EXD1: variants seen among roughly 807,000 people sequenced by gnomAD.
The protein encoded by EXD1 is piRNA biogenesis protein EXD1.
A neutral mutation model predicts 49.1 loss-of-function variants in EXD1; 63 were observed. That is an observed-to-expected ratio of 1.28 (90% CI 1.05 to 1.58). The LOEUF (loss-of-function observed/expected upper bound fraction) is 1.58, where lower values mean the gene tolerates loss of function less well. EXD1 is among the 40% of genes most tolerant of loss of function. EXD1 has a pLI of 0.00. For synonymous variants in EXD1, 234 were observed against 239.2 expected (o/e 0.98, Z 0.20); for missense variants, 748 against 666.0 (o/e 1.12, Z -1.36).
chr15:41,207,453 T>C (rs1489962531), intron 7 of EXD1, among the ~76,000 whole-genome samples: 1 of 151,890 alleles, frequency 6.6e-6, no homozygotes, highest in Non-Finnish European at 1.5e-5. Flanking sequence ...GGCAGGAGAA[T>C]TTCTTGAACC....
intron 7 of EXD1, among the ~76,000 whole-genome samples, chr15:41,202,086 A>C (rs1220020751): frequency 1.3e-5 from 2 of 151,932 alleles, no homozygotes; most frequent in Admixed American, 1.3e-4. Flanking sequence ...TCATTTCAGG[A>C]GCTGAACTAT....
Position 41,230,606 on chromosome 15 carries a change from G to C in EXD1, c.-181C>G. ...ACTTCAGTCTAGAACTAAAAGAAGA[G>C]GGGCTGCAATGAAGGAAGAAGTCTC... On this transcript the variant is annotated 5_prime_UTR_variant, in exon 1 of 12. Transcript: ENST00000458580. The C allele has an allele frequency of 6.4e-7, 1 of 1,563,558 alleles. No homozygotes were observed. Among genetic ancestry groups the C allele is most frequent in the Non-Finnish European group, 8.8e-7 (1 of 1,139,750 alleles).
At position 41,190,058 on chromosome 15, in the gene EXD1, G is replaced by A. The variant is rs1437468524; in HGVS notation, c.935C>T (p.Thr312Ile). 3 of 1,614,190 alleles carry A rather than the reference G, an allele frequency of 1.9e-6. No individual in the cohort carries two copies. The highest frequency in any genetic ancestry group is 4.5e-5 in the East Asian group (2 of 44,880). ...SLLKILALEA[T>I]YLLPLRLALL... The stretch of plus-strand genomic sequence containing the variant: ...TGCCAAGCGAAGGGGTAACAGGTAG[G>A]TAGCTTCCAGGGCCAAAATTTTCAG... Residue 312 changes from threonine (T) to isoleucine (I), a missense_variant, in exon 11 of 12, where the codon ACC (threonine) becomes ATC (isoleucine). By Grantham distance (89) the Thr-to-Ile change is moderately conservative (BLOSUM62 -1). Transcript: ENST00000458580.
rs568734167 is a variant in EXD1 at position 41,230,744 on chromosome 15, G to A, written c.-319C>T. The A allele has an allele frequency of 1.6e-4, 94 of 583,290 alleles. No homozygotes were observed. The South Asian group carries it at 1.7e-3, about 10-fold the overall frequency. 36.1% of individuals were successfully genotyped at this position (583,290 alleles called of 1,614,324 possible). A position where few individuals can be genotyped will look rare whatever the true frequency, so the allele number is the denominator to read the frequency against. ...AGAGGCGACGCCCGCCCGGCCCAACGTCCAGTCTCGTCTGTTTCCCGAGGA... is the reference window on the plus strand; with the variant it reads ...AGAGGCGACGCCCGCCCGGCCCAACATCCAGTCTCGTCTGTTTCCCGAGGA... On this transcript the variant is annotated 5_prime_UTR_variant, in exon 1 of 12. The change creates a new upstream start codon in the 5' untranslated region. Coordinates refer to ENST00000458580, the MANE Select transcript of EXD1 (RefSeq NM_001286441.2).
intron 9 of EXD1, 62 bp from the exon 10 acceptor site, chr15:41,191,647 A>G (rs1276093939): frequency 9.6e-6 from 14 of 1,458,968 alleles, no homozygotes; most frequent in Non-Finnish European, 1.3e-5. Context: ...ATCTCATGCC[A>G]GAAATATATT....
At chr15:41,212,817 T>C (rs1194948176) in intron 6 of EXD1, among the ~76,000 whole-genome samples, 1 of 152,202 alleles carries the variant, frequency 6.6e-6, no homozygotes, top group Non-Finnish European at 1.5e-5. Flanking sequence ...GGCAGGTGGA[T>C]TGCTTGAGCC....
intron 5 of EXD1, among the ~76,000 whole-genome samples, chr15:41,216,147 T>C (rs1382471264): frequency 1.3e-5 from 2 of 152,126 alleles, no homozygotes; most frequent in African/African-American, 4.8e-5. Context: ...ACACAGTATG[T>C]ACTCAGTTAT....
In EXD1 at chr15:41,183,307, A is replaced by C. The variant is rs2046350765; in HGVS notation, c.*624T>G. ...TCCATCAAAAAACAAATAAAACAAAAATTAAATTATTGATTCCTATAACAT... is the reference window on the plus strand; with the variant it reads ...TCCATCAAAAAACAAATAAAACAAACATTAAATTATTGATTCCTATAACAT... On this transcript the variant is annotated 3_prime_UTR_variant, in exon 12 of 12. Coordinates refer to ENST00000458580, the MANE Select transcript of EXD1 (RefSeq NM_001286441.2). The C allele has an allele frequency of 6.6e-6, 1 of 152,026 alleles. No homozygotes were observed. Among genetic ancestry groups the C allele is most frequent in the Non-Finnish European group, 1.5e-5 (1 of 67,984 alleles). The allele number at this position is 152,026 out of a possible 1,614,324, so 9.4% of individuals were successfully genotyped here.
intron 9 of EXD1, among the ~76,000 whole-genome samples, chr15:41,193,165 G>A (rs1163337732): frequency 6.6e-6 from 1 of 152,004 alleles, no homozygotes; most frequent in East Asian, 1.9e-4. Flanking sequence ...CAATCCTCCT[G>A]TCTCGGCCTC....
chr15:41,230,458 A>C, intron 1 of EXD1, 21 bp downstream of exon 1: 2 of 1,606,450 alleles, frequency 1.2e-6, no homozygotes, highest in Non-Finnish European at 1.7e-6. Flanking sequence ...CAAAATAAGG[A>C]ACTTCAAATA....
chr15:41,203,916 C>CAAAAAAA (rs1187093511), intron 7 of EXD1, among the ~76,000 whole-genome samples: 687 of 23,202 alleles, frequency 0.03, 78 homozygotes, highest in African/African-American at 0.053. Context: ...GACTTCTCCT[C>CAAAAAAA]AAAAAAAAAA....
chr15:41,216,674 G>A lies in EXD1; in HGVS notation c.382C>T (p.Pro128Ser). 1 of 1,611,408 alleles carries A rather than the reference G, an allele frequency of 6.2e-7. No individual in the cohort carries two copies. The highest frequency in any genetic ancestry group is 1.7e-5 in the Admixed American group (1 of 59,400). Residue 128 changes from proline (P) to serine (S), a missense_variant, in exon 5 of 12, where the codon CCA (proline) becomes TCA (serine). Coordinates refer to ENST00000458580, the MANE Select transcript of EXD1 (RefSeq NM_001286441.2). ...TCAGAGCCCCTATATTCACCTGATG[G>A]GCTGTACTTGAGGTCATTCAGCAGA... ...TSLLNDLKYSPSEEEEVTYTV... is the reference protein window; with the variant it reads ...TSLLNDLKYSSSEEEEVTYTV...
At chr15:41,203,979 C>T (rs912949179) in intron 7 of EXD1, among the ~76,000 whole-genome samples, 1 of 142,160 alleles carries the variant, frequency 7.0e-6, no homozygotes, top group South Asian at 2.3e-4. Context: ...GGTGCGGTGG[C>T]TCACACCTGT....
intron 7 of EXD1, among the ~76,000 whole-genome samples, chr15:41,199,200 C>T (rs2046667335): frequency 6.6e-6 from 1 of 152,030 alleles, no homozygotes; most frequent in Non-Finnish European, 1.5e-5. Context: ...CTCAGGTGAT[C>T]CGCCTGCCTT....
Position 41,190,054 on chromosome 15 carries a change from G to A in EXD1, c.939C>T (p.Tyr313=). 1 of 1,614,198 alleles carries A rather than the reference G, an allele frequency of 6.2e-7. No individual in the cohort carries two copies. Among genetic ancestry groups the A allele is most frequent in the Non-Finnish European group, 8.5e-7 (1 of 1,180,030 alleles). The change falls in exon 11 of 12, where the codon TAC becomes TAT. Residue 313 remains tyrosine (Y), a synonymous_variant. Transcript: ENST00000458580. The part of the protein sequence containing the change: ...LLKILALEAT[Y]LLPLRLALLD... The stretch of plus-strand genomic sequence containing the variant: ...GGAGTGCCAAGCGAAGGGGTAACAG[G>A]TAGGTAGCTTCCAGGGCCAAAATTT...
At chr15:41,216,638 A>G in intron 5 of EXD1, 30 bp downstream of exon 5, 1 of 1,585,434 alleles carries the variant, frequency 6.3e-7, no homozygotes, top group Non-Finnish European at 8.5e-7. Flanking sequence ...TCTCAAAAAA[A>G]AAAAGAAAAT....
intron 5 of EXD1, among the ~76,000 whole-genome samples, 153 bp downstream of exon 5, chr15:41,216,515 C>T (rs961182977): frequency 1.3e-5 from 2 of 152,080 alleles, no homozygotes; most frequent in Admixed American, 6.6e-5. Flanking sequence ...CCTGTAATCA[C>T]AGCTACTATG....
rs755130305 is a variant in EXD1, at chr15:41,184,406, C to T, written c.1244G>A (p.Gly415Asp). 6.2e-7 allele frequency: 1 copy of T among 1,613,878 alleles called. No individual in the cohort carries two copies. Among genetic ancestry groups the T allele is most frequent in the African/African-American group, 1.3e-5 (1 of 74,870 alleles). Residue 415 changes from glycine to aspartate, a missense_variant, in exon 12 of 12, where the codon GGT becomes GAT. Physicochemically the swap from Gly to Asp is moderately conservative, Grantham distance 94. Coordinates refer to ENST00000458580, the MANE Select transcript of EXD1 (RefSeq NM_001286441.2). ...AGCTTTATCTATCCTAAAATTTTTA[C>T]CAAATAAGAAGCCTTTGACTTTCTC... Reference protein sequence around the residue: ...KEEKVKGFLFGKNFRIDKAPS... With the variant: ...KEEKVKGFLFDKNFRIDKAPS...
intron 7 of EXD1, among the ~76,000 whole-genome samples, chr15:41,207,983 C>T (rs1478637263): frequency 6.7e-6 from 1 of 150,244 alleles, no homozygotes; most frequent in Non-Finnish European, 1.5e-5. Context: ...TGCACTCCAG[C>T]CCATGCAACA....
Sources: gnomAD v4.1 joint callset for allele counts (sites outside exome capture counted in the v4.1 genomes callset) on GRCh38, gnomAD v4.1.1 for gene constraint, MANE v1.5 for transcripts, NCBI Gene and HGNC (gene_info 2026-07-23, HGNC 2026-07-21) for gene names.